MSTN: variants seen among roughly 807,000 people sequenced by gnomAD.
The protein encoded by MSTN is growth/differentiation factor 8.
MSTN carries 12 observed loss-of-function variants against 32.3 expected under a neutral mutation model. The observed-to-expected ratio is 0.37, with a 90% CI of 0.24 to 0.60. MSTN has a LOEUF of 0.60. Among genes scored for constraint, MSTN ranks in the 20% least tolerant of loss-of-function variants. MSTN has a pLI of 0.67. For missense variants in MSTN, 403 were observed against 450.3 expected, an observed-to-expected ratio of 0.89 and a Z score of 0.95; for synonymous variants, 168 against 155.1, an observed-to-expected ratio of 1.08 and a Z score of -0.62.
At chr2:190,061,739 TACTG>T (rs1323508572) in intron 1 of MSTN, among the ~76,000 whole-genome samples, 1 of 152,022 alleles carries the variant, frequency 6.6e-6, no homozygotes, top group Non-Finnish European at 1.5e-5. Flanking sequence ...ACAAAAAAAT[TACTG>T]AGAGAGTTTC....
chr2:190,060,489 C>A (rs920187101), intron 1 of MSTN, 54 bp from the exon 2 acceptor site: 1 of 1,504,342 alleles, frequency 6.6e-7, no homozygotes, highest in Non-Finnish European at 9.1e-7. Flanking sequence ...ATTAACAAAA[C>A]CCCTCCATAT....
At chr2:190,062,151 A>G (rs921215655) in intron 1 of MSTN, 73 bp downstream of exon 1, 14 of 1,548,672 alleles carry the variant, frequency 9.0e-6, no homozygotes, top group African/African-American at 2.7e-5. Context: ...GAGCCTGAAA[A>G]TAGATCTGTT....
rs1447066367 is a variant in MSTN, at chr2:190,060,381, C to G, written c.428G>C (p.Ser143Thr). 6.2e-7 allele frequency: 1 copy of G among 1,611,022 alleles called. No homozygotes were observed. Residue 143 changes from serine to threonine, a missense_variant, in exon 2 of 3, where the codon AGC (serine) becomes ACC (threonine). Physicochemically the swap from Ser to Thr is moderately conservative, Grantham distance 58. Transcript: ENST00000260950. ...TACTTTATTGTATTGTATTTTAGAG[C>G]TAAATTTAAAGAAGCAACATTTGGG... ...GKPKCCFFKF[S>T]SKIQYNKVVK... is the part of the protein sequence containing the mutation.
At chr2:190,062,118 A>G (rs914971344) in intron 1 of MSTN, 106 bp downstream of exon 1, 19 of 1,209,470 alleles carry the variant, frequency 1.6e-5, no homozygotes, top group Non-Finnish European at 2.1e-5. Context: ...CTACTTACAT[A>G]CAGGCCAACA....
Position 190,060,210 on chromosome 2 carries a change from G to T in MSTN, c.599C>A (p.Thr200Asn), listed in dbSNP as rs1685553074. Residue 200 changes from threonine (T) to asparagine (N), a missense_variant, in exon 2 of 3, where the codon ACT becomes AAT. Physicochemically the swap from Thr to Asn is moderately conservative, Grantham distance 65. Coordinates refer to ENST00000260950, the MANE Select transcript of MSTN (RefSeq NM_005259.3). ...CACATCAATGCTCTGCCAAATACCAGTGCCTGGGTTCATGTCAAGTTTCAG... is the reference window on the plus strand; with the variant it reads ...CACATCAATGCTCTGCCAAATACCATTGCCTGGGTTCATGTCAAGTTTCAG... ...RSLKLDMNPG[T>N]GIWQSIDVKT... 1 of 1,613,062 alleles carries T rather than the reference G, an allele frequency of 6.2e-7. No homozygotes were observed. The highest frequency in any genetic ancestry group is 1.3e-5 in the African/African-American group (1 of 74,924).
At chr2:190,059,974 G>T in intron 2 of MSTN, 88 bp downstream of exon 2, 1 of 1,389,234 alleles carries the variant, frequency 7.2e-7, no homozygotes, top group Non-Finnish European at 1.0e-6. Flanking sequence ...TGAGCTTAGG[G>T]AATTTGTAGC....
chr2:190,057,773 A>T, intron 2 of MSTN, 135 bp from the exon 3 acceptor site: 2 of 887,190 alleles, frequency 2.3e-6, no homozygotes, highest in Non-Finnish European at 3.5e-6. Flanking sequence ...AAGGCACAGC[A>T]TTAAGGAATG....
Position 190,060,195 on chromosome 2 carries a change from C to A in MSTN, c.614G>T (p.Ser205Ile), listed in dbSNP as rs577625650. The change falls in exon 2 of 3, where the codon AGC becomes ATC. Residue 205 changes from serine (S) to isoleucine (I), a missense_variant. By Grantham distance (142) the Ser-to-Ile change is moderately radical. Transcript: ENST00000260950. ...DMNPGTGIWQSIDVKTVLQNW... is the reference protein window; with the variant it reads ...DMNPGTGIWQIIDVKTVLQNW... ...TTGCAACACTGTCTTCACATCAATG[C>A]TCTGCCAAATACCAGTGCCTGGGTT... is the stretch of plus-strand genomic sequence containing the variant. The A allele has an allele frequency of 1.9e-6, 3 of 1,613,110 alleles. No individual in the cohort carries two copies. In the South Asian group the frequency reaches 3.3e-5, roughly 18 times the overall value.
In MSTN at chr2:190,060,082, C is replaced by T; in HGVS notation, c.727G>A (p.Gly243Arg). ...NGHDLAVTFP[G>R]PGEDGLNPFL... ...CTTACCAGCCCATCTTCTCCTGGTC[C>T]TGGGAAGGTTACAGCAAGATCATGA... Residue 243 changes from glycine (G) to arginine (R), a missense_variant, in exon 2 of 3, where the codon GGA becomes AGA. Gly to Arg is a moderately radical substitution (Grantham distance 125). Coordinates refer to ENST00000260950, the MANE Select transcript of MSTN (RefSeq NM_005259.3). 1 of 1,612,390 alleles carries T rather than the reference C, an allele frequency of 6.2e-7. No individual in the cohort carries two copies. Among genetic ancestry groups the T allele is most frequent in the Non-Finnish European group, 8.5e-7 (1 of 1,178,818 alleles).
chr2:190,060,525 A>C (rs559214765), intron 1 of MSTN, 90 bp from the exon 2 acceptor site: 11 of 1,149,012 alleles, frequency 9.6e-6, no homozygotes, highest in Non-Finnish European at 1.2e-5. Flanking sequence ...TTTTTAAATT[A>C]AGATAATGTA....
At position 190,057,217 on chromosome 2, in the gene MSTN, C is replaced by A. The variant is rs762191502; in HGVS notation, c.*41G>T. 3.7e-6 allele frequency: 6 copies of A among 1,610,584 alleles called. No individual in the cohort carries two copies. The highest frequency in any genetic ancestry group is 1.7e-4 in the Middle Eastern group (1 of 5,860). On this transcript the variant is annotated 3_prime_UTR_variant, in exon 3 of 3. Transcript: ENST00000260950. ...AGCTTCAAAATTGTTGAGGGGAAAA[C>A]CTTCCATGTTTTAGGAAGTTATGAA...
chr2:190,057,127 C>T lies in MSTN; in HGVS notation c.*131G>A. 2.2e-6 allele frequency: 2 copies of T among 909,012 alleles called. No homozygotes were observed. The highest frequency in any genetic ancestry group is 3.4e-6 in the Non-Finnish European group (2 of 591,236). The allele number at this position is 909,012 out of a possible 1,614,324, so 56.3% of individuals were successfully genotyped here. On this transcript the variant is annotated 3_prime_UTR_variant, in exon 3 of 3. Coordinates refer to ENST00000260950, the MANE Select transcript of MSTN (RefSeq NM_005259.3). ...TATATTCCCCCTTTTAGTTTACATA[C>T]TGTAGCTTATGCTTAAGTGACTGTA...
chr2:190,058,171 C>T (rs768195045), intron 2 of MSTN, among the ~76,000 whole-genome samples: 17 of 151,952 alleles, frequency 1.1e-4, no homozygotes, highest in South Asian at 2.1e-4. Context: ...GAAGAAGAGA[C>T]GATGATATTT....
At position 190,062,319 on chromosome 2, in the gene MSTN, T is replaced by G; in HGVS notation, c.278A>C (p.Gln93Pro). Reference sequence around the variant, plus strand: ...GCTGTCATCCCTCTGGACATCATACTGATCAATCAGTTCCCGGAGTGGAGG... The same window carrying G: ...GCTGTCATCCCTCTGGACATCATACGGATCAATCAGTTCCCGGAGTGGAGG... Reference protein sequence around the residue: ...KAPPLRELIDQYDVQRDDSSD... With the variant: ...KAPPLRELIDPYDVQRDDSSD... The change falls in exon 1 of 3, where the codon CAG (glutamine) becomes CCG (proline). Residue 93 changes from glutamine (Q) to proline (P), a missense_variant. Gln to Pro is a moderately conservative substitution (Grantham distance 76). Transcript: ENST00000260950. 1.2e-6 allele frequency: 2 copies of G among 1,613,390 alleles called. No individual in the cohort carries two copies. Among genetic ancestry groups the G allele is most frequent in the Non-Finnish European group, 1.7e-6 (2 of 1,179,528 alleles).
At chr2:190,061,749 G>A (rs1413034563) in intron 1 of MSTN, among the ~76,000 whole-genome samples, 3 of 151,390 alleles carry the variant, frequency 2.0e-5, no homozygotes, top group Non-Finnish European at 4.4e-5. Context: ...TACTGAGAGA[G>A]TTTCAAATAA....
chr2:190,061,647 TCTTA>T (rs1685598048), intron 1 of MSTN, among the ~76,000 whole-genome samples: 1 of 152,050 alleles, frequency 6.6e-6, no homozygotes, highest in South Asian at 2.1e-4. Flanking sequence ...TCATTATTGT[TCTTA>T]CTAACACATT....
At chr2:190,058,172 G>A (rs543869132) in intron 2 of MSTN, among the ~76,000 whole-genome samples, 1 of 151,986 alleles carries the variant, frequency 6.6e-6, no homozygotes, top group South Asian at 2.1e-4. Context: ...AAGAAGAGAC[G>A]ATGATATTTC....
Position 190,062,265 on chromosome 2 carries a change from T to C in MSTN, c.332A>G (p.Tyr111Cys), listed in dbSNP as rs1428524691. 6 of 1,613,012 alleles carry C rather than the reference T, an allele frequency of 3.7e-6. No homozygotes were observed. The East Asian group carries it at 8.9e-5, about 24-fold the overall frequency. The change falls in exon 1 of 3, where the codon TAT (tyrosine) becomes TGT (cysteine). Residue 111 changes from tyrosine (Y) to cysteine (C), a missense_variant. By Grantham distance (194) the Tyr-to-Cys change is radical. Coordinates refer to ENST00000260950, the MANE Select transcript of MSTN (RefSeq NM_005259.3). ...SSDGSLEDDD[Y>C]HATTETIITM... ...AATGATTGTTTCCGTTGTAGCGTGA[T>C]AATCGTCATCTTCCAAAGAGCCATC...
Position 190,062,269 on chromosome 2 carries a change from C to T in MSTN, c.328G>A (p.Asp110Asn), listed in dbSNP as rs371576724. ...ATTGTTTCCGTTGTAGCGTGATAAT[C>T]GTCATCTTCCAAAGAGCCATCGCTG... Reference protein sequence around the residue: ...DSSDGSLEDDDYHATTETIIT... With the variant: ...DSSDGSLEDDNYHATTETIIT... The change falls in exon 1 of 3, where the codon GAT becomes AAT. Residue 110 changes from aspartate (D) to asparagine (N), a missense_variant. By Grantham distance (23) the Asp-to-Asn change is conservative (BLOSUM62 1). Transcript: ENST00000260950. 6 of 1,612,970 alleles carry T rather than the reference C, an allele frequency of 3.7e-6. No individual in the cohort carries two copies. The highest frequency in any genetic ancestry group is 1.3e-5 in the African/African-American group (1 of 74,854).
Sources: allele counts gnomAD v4.1 joint callset (sites outside exome capture counted in the v4.1 genomes callset), GRCh38; gene constraint gnomAD v4.1.1; transcripts MANE v1.5; gene names NCBI Gene and HGNC (gene_info 2026-07-23, HGNC 2026-07-21).